UBAP1: variants seen among roughly 807,000 people sequenced by gnomAD.
UBAP1 encodes ubiquitin-associated protein 1.
Under a neutral mutation model 39.0 loss-of-function variants are expected in UBAP1, and 5 were observed. The ratio of observed to expected loss-of-function variants is 0.13; its 90% CI spans 0.07 to 0.27. The LOEUF (loss-of-function observed/expected upper bound fraction) is 0.27. UBAP1 is among the 10% of genes least tolerant of loss of function. UBAP1 has a pLI of 1.00. For missense variants in UBAP1, 490 were observed against 608.1 expected, an observed-to-expected ratio of 0.81 and a Z score of 2.04; for synonymous variants, 211 against 225.1, an observed-to-expected ratio of 0.94 and a Z score of 0.56.
At chr9:34,223,778 A>G (rs1366313551) in intron 2 of UBAP1, among the ~76,000 whole-genome samples, 1 of 152,120 alleles carries the variant, frequency 6.6e-6, no homozygotes, top group Non-Finnish European at 1.5e-5. Context: ...TTTAAATGAA[A>G]CTTTCTACCT....
rs145078300 is a variant in UBAP1, at chr9:34,249,408, C to T, written c.1084-371C>T. Among the ~76,000 whole-genome samples the T allele has an allele frequency of 4.2e-3, 640 of 152,218 alleles. 4 individuals are homozygous for T. The highest frequency in any genetic ancestry group is 0.014 in the South Asian group (69 of 4,822). The stretch of plus-strand genomic sequence containing the variant: ...GAAAGGGATAATGCTGGAGAGAAAT[C>T]GCAGCCAGCTTGGACATCAGTCCCG... On this transcript the variant is annotated intron_variant, in intron 4 of 6. Transcript: ENST00000297661.
In UBAP1 at chr9:34,190,620, CCTTT is replaced by C. The variant is rs1160426473; in HGVS notation, c.-8+11393_-8+11396del. Among the ~76,000 whole-genome samples the C allele has an allele frequency of 6.0e-4, 90 of 150,156 alleles. No homozygotes were observed. In the East Asian group the frequency reaches 0.012, roughly 20 times the overall value. On this transcript the variant is annotated intron_variant, in intron 1 of 6. Coordinates refer to ENST00000297661, the MANE Select transcript of UBAP1 (RefSeq NM_016525.5). ...TGTAATTTAATAGGGAATCTTTTTT[CCTTT>C]CTTTCTTTCTTTTTTTTTTTTTTTT...
At chr9:34,237,373 A>G (rs1249154859) in intron 3 of UBAP1, among the ~76,000 whole-genome samples, 1 of 151,962 alleles carries the variant, frequency 6.6e-6, no homozygotes, top group Non-Finnish European at 1.5e-5. Context: ...AGCTTTCAGG[A>G]AAAGAAGTTT....
intron 4 of UBAP1, among the ~76,000 whole-genome samples, chr9:34,248,411 T>C (rs895918925): frequency 1.3e-5 from 2 of 152,168 alleles, no homozygotes; most frequent in Non-Finnish European, 2.9e-5. Flanking sequence ...TTAGGAGGCA[T>C]TATGAGAAGG....
chr9:34,217,546 G>A (rs963486861), intron 1 of UBAP1, among the ~76,000 whole-genome samples: 3 of 151,622 alleles, frequency 2.0e-5, no homozygotes, highest in African/African-American at 7.3e-5. Context: ...GGTGGCGGTG[G>A]TGGTTTTTTT....
At chr9:34,238,706 C>T (rs972563639) in intron 3 of UBAP1, among the ~76,000 whole-genome samples, 5 of 152,066 alleles carry the variant, frequency 3.3e-5, no homozygotes, top group East Asian at 1.9e-4. Context: ...TACTTTGTAA[C>T]GTTTTTCCAT....
chr9:34,231,125 TTATGTGTGTGTG>T (rs1030838101), intron 2 of UBAP1, among the ~76,000 whole-genome samples: 7 of 96,694 alleles, frequency 7.2e-5, no homozygotes, highest in African/African-American at 2.9e-4. Flanking sequence ...TTTAAAAAAA[TTATGTGTGTGTG>T]TGTGTGTGTG....
At chr9:34,234,483 C>T in intron 3 of UBAP1, 143 bp downstream of exon 3, 1 of 981,844 alleles carries the variant, frequency 1.0e-6, no homozygotes, top group Non-Finnish European at 1.4e-6. Flanking sequence ...AATGGTGGTC[C>T]CATAAAATTA....
At chr9:34,218,250 C>CAAAAAAAAAAAAAAAAAAAAAA (rs758443973) in intron 1 of UBAP1, among the ~76,000 whole-genome samples, 3 of 49,506 alleles carry the variant, frequency 6.1e-5, no homozygotes, top group African/African-American at 9.4e-5. Context: ...GACTCCATCT[C>CAAAAAAAAAAAAAAAAAAAAAA]AAAAAAAAAA....
At chr9:34,215,772 C>T (rs1832277986) in intron 1 of UBAP1, among the ~76,000 whole-genome samples, 1 of 151,786 alleles carries the variant, frequency 6.6e-6, no homozygotes, top group Non-Finnish European at 1.5e-5. Flanking sequence ...CACACACATA[C>T]ATGTATGTAC....
At chr9:34,201,546 GCAA>G (rs561325558) in intron 1 of UBAP1, 78 of 152,008 alleles carry the variant, frequency 5.1e-4, no homozygotes, top group Non-Finnish European at 9.5e-4. Context: ...TGTCACAACA[GCAA>G]CAACAACAAC....
intron 1 of UBAP1, among the ~76,000 whole-genome samples, chr9:34,211,119 CAT>C (rs754775990): frequency 1.4e-4 from 19 of 137,470 alleles, no homozygotes; most frequent in African/African-American, 3.6e-4. Context: ...AATTTGGAAA[CAT>C]GAATATTTTT....
chr9:34,246,406 A>G (rs1834181096), intron 4 of UBAP1, among the ~76,000 whole-genome samples: 1 of 152,246 alleles, frequency 6.6e-6, no homozygotes, highest in Admixed American at 6.5e-5. Context: ...TTTGGGAAGA[A>G]GAGATGGTAA....
intron 2 of UBAP1, among the ~76,000 whole-genome samples, chr9:34,226,330 T>C (rs1833105043): frequency 6.7e-6 from 1 of 149,832 alleles, no homozygotes; most frequent in Non-Finnish European, 1.5e-5. Context: ...CCTCAAGCAA[T>C]TGCTCAAGCA....
chr9:34,226,128 TG>T (rs1833069479), intron 2 of UBAP1, among the ~76,000 whole-genome samples: 1 of 117,992 alleles, frequency 8.5e-6, no homozygotes, highest in Non-Finnish European at 2.0e-5. Flanking sequence ...TGTGTGTGTG[TG>T]TGTGTGTGTG....
In UBAP1 at chr9:34,241,273, T is replaced by C. The variant is rs1208056220; in HGVS notation, c.248T>C (p.Ile83Thr). 1.3e-5 allele frequency: 19 copies of C among 1,503,884 alleles called. No homozygotes were observed. The highest frequency in any genetic ancestry group is 1.5e-5 in the Non-Finnish European group (17 of 1,127,326). 93.2% of individuals were successfully genotyped at this position (1,503,884 alleles called of 1,614,324 possible). Residue 83 changes from isoleucine (I) to threonine (T), a missense_variant, in exon 4 of 7, where the codon ATT (isoleucine) becomes ACT (threonine). By Grantham distance (89) the Ile-to-Thr change is moderately conservative. Coordinates refer to ENST00000297661, the MANE Select transcript of UBAP1 (RefSeq NM_016525.5). ...GCCGAGCGGGAAGCAGAGTGCAAAA[T>C]TGCGGAAGCAGAAGCTAAAGTGAAT... ...EEAEREAECKIAEAEAKVNSK... is the reference protein window; with the variant it reads ...EEAEREAECKTAEAEAKVNSK...
At chr9:34,205,311 C>T (rs1386171218) in intron 1 of UBAP1, among the ~76,000 whole-genome samples, 1 of 152,146 alleles carries the variant, frequency 6.6e-6, no homozygotes, top group East Asian at 1.9e-4. Flanking sequence ...ACACCCAGCC[C>T]TGGCTAATGC....
Position 34,179,223 on chromosome 9 carries a change from G to A in UBAP1, c.-25G>A, listed in dbSNP as rs1427770728. On this transcript the variant is annotated 5_prime_UTR_variant, in exon 1 of 7. Coordinates refer to ENST00000297661, the MANE Select transcript of UBAP1 (RefSeq NM_016525.5). ...AGCACCTTTCGGCTTCTGAGACGGC[G>A]GCAGCAGCGGCATTCAGGTGAGGGG... 3.2e-6 allele frequency: 4 copies of A among 1,232,906 alleles called. No homozygotes were observed. The Admixed American group carries it at 1.3e-4, about 39-fold the overall frequency. The allele number at this position is 1,232,906 out of a possible 1,614,324, so 76.4% of individuals were successfully genotyped here.
chr9:34,209,496 G>A (rs1425587798), intron 1 of UBAP1, among the ~76,000 whole-genome samples: 1 of 152,058 alleles, frequency 6.6e-6, no homozygotes, highest in Non-Finnish European at 1.5e-5. Flanking sequence ...ATTCAGTATT[G>A]ATATTCAGTG....
Sources: allele counts gnomAD v4.1 joint callset (sites outside exome capture counted in the v4.1 genomes callset), GRCh38; gene constraint gnomAD v4.1.1; transcripts MANE v1.5; gene names NCBI Gene and HGNC (gene_info 2026-07-23, HGNC 2026-07-21).